CYFIP2: variants seen among roughly 807,000 people sequenced by gnomAD.
CYFIP2 encodes the protein cytoplasmic FMR1-interacting protein 2.
Under a neutral mutation model 158.7 loss-of-function variants are expected in CYFIP2, and 29 were observed. The ratio of observed to expected loss-of-function variants is 0.18; its 90% confidence interval spans 0.14 to 0.25. The LOEUF (loss-of-function observed/expected upper bound fraction) is 0.25, where lower values mean the gene tolerates loss of function less well. CYFIP2 is among the 10% of genes least tolerant of loss of function. CYFIP2 has a pLI of 1.00. For missense variants in CYFIP2, 852 were observed against 1,639.5 expected (o/e 0.52, Z 8.29); for synonymous variants, 585 against 617.6 (o/e 0.95, Z 0.78).
At chr5:157,364,836 A>G (rs182288348) in intron 26 of CYFIP2, 1 of 152,360 alleles carries the variant, frequency 6.6e-6, no homozygotes, top group African/African-American at 2.4e-5. Flanking sequence ...TTGCCAAAAA[A>G]AAAAAGGAAA....
intron 1 of CYFIP2, among the ~76,000 whole-genome samples, chr5:157,278,147 T>C: frequency 6.6e-6 from 1 of 151,670 alleles, no homozygotes; most frequent in East Asian, 1.9e-4. Context: ...TTTATTTTTA[T>C]ATTTATATAT....
rs1249893223 is a variant in CYFIP2 at position 157,266,142 on chromosome 5, C to A, written c.-77C>A. 6.6e-6 allele frequency: 1 copy of A among 150,588 alleles called. No individual in the cohort carries two copies. Among genetic ancestry groups the A allele is most frequent in the East Asian group, 1.9e-4 (1 of 5,162 alleles). The allele number at this position is 150,588 out of a possible 1,614,324, so 9.3% of individuals were successfully genotyped here. Reference sequence around the variant, plus strand: ...CGGGGCAGAGCATCCTGCGCCCCGGCGCGGGGCCCTGCGGTAGCCTCAGGC... The same window carrying A: ...CGGGGCAGAGCATCCTGCGCCCCGGAGCGGGGCCCTGCGGTAGCCTCAGGC... On this transcript the variant is annotated 5_prime_UTR_variant, in exon 1 of 31. Coordinates refer to ENST00000620254, the MANE Select transcript of CYFIP2 (RefSeq NM_001037333.3). This position sits in a 1 kb window ranked among gnomAD's most constrained non-coding sequence, Gnocchi z 4.2.
At chr5:157,322,413 G>C (rs962761508) in intron 15 of CYFIP2, among the ~76,000 whole-genome samples, 1 of 152,208 alleles carries the variant, frequency 6.6e-6, no homozygotes, top group African/African-American at 2.4e-5. Flanking sequence ...GTAAAAGTAC[G>C]TGGGAAAAAA....
At chr5:157,382,362 C>T (rs1156352291) in intron 26 of CYFIP2, among the ~76,000 whole-genome samples, 2 of 152,260 alleles carry the variant, frequency 1.3e-5, no homozygotes, top group South Asian at 2.1e-4. Context: ...TGCATTTTCT[C>T]GTTTGATCCT....
rs745420580 is a variant in CYFIP2, at chr5:157,383,353, C to G, written c.3201C>G (p.Thr1067=). The part of the protein sequence containing the change: ...HLVPLIERLG[T]PQQIAIAREG... Reference sequence around the variant, plus strand: ...TCCCTCTGATCGAGCGGCTGGGGACCCCTCAGGTACCAATCTTATATAATA... The same window carrying G: ...TCCCTCTGATCGAGCGGCTGGGGACGCCTCAGGTACCAATCTTATATAATA... The change falls in exon 28 of 31, where the codon ACC becomes ACG. Residue 1067 remains threonine (T), a synonymous_variant. Transcript: ENST00000620254. 32 of 1,613,504 alleles carry G rather than the reference C, an allele frequency of 2.0e-5. No individual in the cohort carries two copies. The highest frequency in any genetic ancestry group is 2.6e-5 in the Non-Finnish European group (31 of 1,179,744).
intron 1 of CYFIP2, among the ~76,000 whole-genome samples, chr5:157,276,742 C>T (rs1431822501): frequency 1.3e-5 from 2 of 152,204 alleles, no homozygotes; most frequent in Non-Finnish European, 2.9e-5. Flanking sequence ...TCCAGTTCAC[C>T]TCCACACTAA....
chr5:157,329,963 C>CA (rs913337095), intron 19 of CYFIP2, among the ~76,000 whole-genome samples: 1 of 152,206 alleles, frequency 6.6e-6, no homozygotes, highest in Non-Finnish European at 1.5e-5. Context: ...CATTTTGCAC[C>CA]ATGCTCTCCA....
intron 1 of CYFIP2, among the ~76,000 whole-genome samples, chr5:157,274,541 C>A (rs1756389105): frequency 6.6e-6 from 1 of 152,146 alleles, no homozygotes; most frequent in African/African-American, 2.4e-5. Flanking sequence ...CATCCATGTA[C>A]AAGTTTTTGT....
At chr5:157,388,211 T>G (rs1227934768) in intron 28 of CYFIP2, among the ~76,000 whole-genome samples, 1 of 152,224 alleles carries the variant, frequency 6.6e-6, no homozygotes, top group Non-Finnish European at 1.5e-5. Flanking sequence ...GCAGATAGCT[T>G]TCAGGACCTC....
At chr5:157,340,313 T>G (rs890963318) in intron 22 of CYFIP2, among the ~76,000 whole-genome samples, 1 of 152,260 alleles carries the variant, frequency 6.6e-6, no homozygotes, top group African/African-American at 2.4e-5. Context: ...GTGTGTTGAA[T>G]GAATGAAAGG....
intron 15 of CYFIP2, chr5:157,322,842 C>G: frequency 7.9e-7 from 1 of 1,263,268 alleles, no homozygotes. Flanking sequence ...GTATACAATA[C>G]CTCTTGCTTT....
At chr5:157,332,029 G>T (rs1761501360) in intron 20 of CYFIP2, among the ~76,000 whole-genome samples, 1 of 152,142 alleles carries the variant, frequency 6.6e-6, no homozygotes, top group African/African-American at 2.4e-5. Flanking sequence ...TTTCCCTCAT[G>T]AAGGCACAAT....
At chr5:157,294,254 A>G (rs1252904985) in intron 3 of CYFIP2, among the ~76,000 whole-genome samples, 3 of 152,242 alleles carry the variant, frequency 2.0e-5, no homozygotes, top group Non-Finnish European at 4.4e-5. Context: ...TTAAACTGTC[A>G]ACGAAATTCC....
rs1475182697 is a variant in CYFIP2, at chr5:157,285,542, G to T, written c.117+64G>T. 3 of 1,436,352 alleles carry T rather than the reference G, an allele frequency of 2.1e-6. No homozygotes were observed. The African/African-American group carries it at 4.3e-5, about 20-fold the overall frequency. 89.0% of individuals were successfully genotyped at this position (1,436,352 alleles called of 1,614,324 possible). A position where few individuals can be genotyped will look rare whatever the true frequency, so the allele number is the denominator to read the frequency against. ...TTCTGGGGATCCCCTAAGAGAGTTT[G>T]CCCTAAGGCAGAGGGAAGGGGAGGT... On this transcript the variant is annotated intron_variant, in intron 2 of 30. Coordinates refer to ENST00000620254, the MANE Select transcript of CYFIP2 (RefSeq NM_001037333.3).
intron 1 of CYFIP2, among the ~76,000 whole-genome samples, chr5:157,280,503 C>T (rs928998991): frequency 4.0e-5 from 6 of 151,616 alleles, no homozygotes; most frequent in Admixed American, 2.0e-4. Context: ...GGATTACAGG[C>T]GTGAGCCACC....
intron 29 of CYFIP2, among the ~76,000 whole-genome samples, chr5:157,390,104 C>G (rs1350303934): frequency 6.6e-6 from 1 of 152,142 alleles, no homozygotes; most frequent in Non-Finnish European, 1.5e-5. Flanking sequence ...CTGCTTCTGG[C>G]CAGTTGGCCT....
chr5:157,343,684 G>A, intron 23 of CYFIP2: 1 of 713,346 alleles, frequency 1.4e-6, no homozygotes, highest in Non-Finnish European at 2.2e-6. Context: ...GAGGCCGAGA[G>A]GTTCTGTTAT....
chr5:157,372,723 A>G (rs555886775), intron 26 of CYFIP2, among the ~76,000 whole-genome samples: 2 of 152,318 alleles, frequency 1.3e-5, no homozygotes, highest in African/African-American at 4.8e-5. Flanking sequence ...TATTTGATTT[A>G]CCATGAGGAA....
At chr5:157,330,997 C>A in intron 20 of CYFIP2, 147 bp downstream of exon 20, 1 of 636,206 alleles carries the variant, frequency 1.6e-6, no homozygotes, top group Non-Finnish European at 2.8e-6. Flanking sequence ...AGCACAGCCT[C>A]AGGATCTCAT....
Sources: gnomAD v4.1 joint callset for allele counts (sites outside exome capture counted in the v4.1 genomes callset) on GRCh38, gnomAD v4.1.1 for gene constraint, Gnocchi (gnomAD v3.1) non-coding constraint, MANE v1.5 for transcripts, NCBI Gene and HGNC (gene_info 2026-07-23, HGNC 2026-07-21) for gene names.